Variants in APOBEC3C observed in about 807,000 individuals in gnomAD.
APOBEC3C encodes the protein DNA dC->dU-editing enzyme APOBEC-3C.
APOBEC3C carries 14 observed loss-of-function variants against 20.6 expected under a neutral mutation model. That is an observed-to-expected ratio of 0.68 (90% confidence interval 0.45 to 1.06). APOBEC3C has a LOEUF of 1.06. APOBEC3C is among the 50% of genes least tolerant of loss of function. The probability of loss-of-function intolerance (pLI) is 0.00; values close to 1 mark genes in which losing one functional copy is unlikely to be tolerated. For synonymous variants in APOBEC3C, 98 were observed against 88.8 expected (o/e 1.10, Z -0.58); for missense variants, 244 against 241.9 (o/e 1.01, Z -0.06).
At chr22:39,016,248 G>A (rs1356776144) in intron 2 of APOBEC3C, among the ~76,000 whole-genome samples, 1 of 144,908 alleles carries the variant, frequency 6.9e-6, no homozygotes, top group Non-Finnish European at 1.5e-5. Context: ...CGCCCAGGCT[G>A]GAGTGCAGTG....
At position 39,018,818 on chromosome 22, in the gene APOBEC3C, C is replaced by CAAAAAAAAAA. The variant is rs57039400; in HGVS notation, c.*449_*458dup. 4.2e-5 allele frequency: 2 copies of CAAAAAAAAAA among 47,480 alleles called. 1 individual carries two copies. The highest frequency in any genetic ancestry group is 7.3e-5 in the Non-Finnish European group (2 of 27,422). The allele number at this position is 47,480 out of a possible 1,614,324, so 2.9% of individuals were successfully genotyped here. A position where few individuals can be genotyped will look rare whatever the true frequency, so the allele number is the denominator to read the frequency against. On this transcript the variant is annotated 3_prime_UTR_variant, in exon 4 of 4. Coordinates refer to ENST00000361441, the MANE Select transcript of APOBEC3C (RefSeq NM_014508.3). ...GTCACATGACAAAGCCCCATCTCTA[C>CAAAAAAAAAA]AAAAAAAAAAAAAAAAAAAAAAAAA...
chr22:39,015,632 T>G lies in APOBEC3C; in HGVS notation c.55T>G (p.Phe19Val), dbSNP rs1221431519. ...GGCAATGTATCCAGGCACATTCTAC[T>G]TCCAATTTAAAAACCTATGGGAAGC... is the stretch of plus-strand genomic sequence containing the variant. Reference protein sequence around the residue: ...MKAMYPGTFYFQFKNLWEAND... With the variant: ...MKAMYPGTFYVQFKNLWEAND... Residue 19 changes from phenylalanine (F) to valine (V), a missense_variant, in exon 2 of 4, where the codon TTC (phenylalanine) becomes GTC (valine). Phe to Val is a conservative substitution (Grantham distance 50). Coordinates refer to ENST00000361441, the MANE Select transcript of APOBEC3C (RefSeq NM_014508.3). 3.7e-6 allele frequency: 6 copies of G among 1,614,114 alleles called. No individual in the cohort carries two copies. The highest frequency in any genetic ancestry group is 3.4e-6 in the Non-Finnish European group (4 of 1,180,012).
At position 39,014,340 on chromosome 22, in the gene APOBEC3C, C is replaced by A; in HGVS notation, c.-23C>A. ...GCTTCAGAAAAGAGTGGGACAGGGA[C>A]AAGCATATCTAAGAGGCTGAACATG... On this transcript the variant is annotated 5_prime_UTR_variant, in exon 1 of 4. Coordinates refer to ENST00000361441, the MANE Select transcript of APOBEC3C (RefSeq NM_014508.3). 6.2e-7 allele frequency: 1 copy of A among 1,614,116 alleles called. No homozygotes were observed. The highest frequency in any genetic ancestry group is 8.5e-7 in the Non-Finnish European group (1 of 1,179,984).
intron 3 of APOBEC3C, 66 bp downstream of exon 3, chr22:39,018,111 A>G: frequency 6.3e-7 from 1 of 1,591,988 alleles, no homozygotes; most frequent in African/African-American, 1.3e-5. Context: ...ATGGTTCTCC[A>G]ATGCTGTGGG....
chr22:39,018,381 C>T lies in APOBEC3C; in HGVS notation c.567C>T (p.Leu189=). ...RLLKRRLRES[L]Q is the part of the protein sequence containing the mutation. ...TGAAAAGAAGGCTACGGGAGAGTCT[C>T]CAGTGAGGGGTCTCCCTGGGCCTCA... Residue 189 remains leucine (L), a synonymous_variant, in exon 4 of 4, where the codon CTC becomes CTT. Transcript: ENST00000361441. 6.2e-7 allele frequency: 1 copy of T among 1,613,634 alleles called. No homozygotes were observed. Among genetic ancestry groups the T allele is most frequent in the East Asian group, 2.2e-5 (1 of 44,864 alleles).
Position 39,015,651 on chromosome 22 carries a change from G to A in APOBEC3C, c.74G>A (p.Trp25Ter). 6.2e-7 allele frequency: 1 copy of A among 1,614,130 alleles called. No individual in the cohort carries two copies. The highest frequency in any genetic ancestry group is 1.1e-5 in the South Asian group (1 of 91,086). ...TTCTACTTCCAATTTAAAAACCTATGGGAAGCCAACGATCGGAACGAAACT... is the reference window on the plus strand; with the variant it reads ...TTCTACTTCCAATTTAAAAACCTATAGGAAGCCAACGATCGGAACGAAACT... ...GTFYFQFKNL[W>*]EANDRNETWL... Residue 25 changes from tryptophan (W) to a stop codon, truncating the protein, a stop_gained, in exon 2 of 4, where the codon TGG becomes TAG. Transcript: ENST00000361441. LOFTEE classifies it high-confidence loss of function.
rs772415284 is a variant in APOBEC3C, at chr22:39,017,823, G to A, written c.232G>A (p.Asp78Asn). 1.1e-4 allele frequency: 175 copies of A among 1,613,880 alleles called. No homozygotes were observed. The highest frequency in any genetic ancestry group is 1.4e-4 in the Non-Finnish European group (165 of 1,179,936). Reference protein sequence around the residue: ...ERCFLSWFCDDILSPNTKYQV... With the variant: ...ERCFLSWFCDNILSPNTKYQV... ...GTGCTTCCTCTCTTGGTTCTGCGAC[G>A]ACATACTGTCTCCTAACACAAAGTA... is the stretch of plus-strand genomic sequence containing the variant. The change falls in exon 3 of 4, where the codon GAC (aspartate) becomes AAC (asparagine). Residue 78 changes from aspartate (D) to asparagine (N), a missense_variant. Coordinates refer to ENST00000361441, the MANE Select transcript of APOBEC3C (RefSeq NM_014508.3).
Position 39,014,308 on chromosome 22 carries a change from C to T in APOBEC3C, c.-55C>T. The T allele has an allele frequency of 6.2e-7, 1 of 1,612,046 alleles. No homozygotes were observed. The highest frequency in any genetic ancestry group is 2.2e-5 in the East Asian group (1 of 44,834). On this transcript the variant is annotated 5_prime_UTR_variant, in exon 1 of 4. Transcript: ENST00000361441. ...AGGACGCTGTAAGCAGGAAGAGAAG[C>T]CACAGCGCTTCAGAAAAGAGTGGGA...
intron 2 of APOBEC3C, among the ~76,000 whole-genome samples, chr22:39,016,393 T>TC (rs1201674715): frequency 2.0e-4 from 30 of 148,242 alleles, no homozygotes; most frequent in Non-Finnish European, 3.0e-5. Context: ...TTTTTTTTTT[T>TC]TTTTTAGTAG....
At chr22:39,015,124 C>T (rs998190036) in intron 1 of APOBEC3C, among the ~76,000 whole-genome samples, 1 of 151,928 alleles carries the variant, frequency 6.6e-6, no homozygotes, top group African/African-American at 2.4e-5. Flanking sequence ...ATGGTGAAAC[C>T]TCGTCTCTAC....
intron 1 of APOBEC3C, 35 bp downstream of exon 1, chr22:39,014,414 T>G (rs756383283): frequency 6.2e-7 from 1 of 1,613,692 alleles, no homozygotes; most frequent in Non-Finnish European, 8.5e-7. Context: ...AGGCCCCTCC[T>G]GCCACTTCCT....
At chr22:39,014,507 G>T (rs1040942920) in intron 1 of APOBEC3C, 128 bp downstream of exon 1, 1 of 939,106 alleles carries the variant, frequency 1.1e-6, no homozygotes. Context: ...TGGTTCCCCC[G>T]CTGCCCCCAC....
At chr22:39,014,803 A>G (rs1234783373) in intron 1 of APOBEC3C, among the ~76,000 whole-genome samples, 1 of 152,170 alleles carries the variant, frequency 6.6e-6, no homozygotes, top group Non-Finnish European at 1.5e-5. Flanking sequence ...GTTTCAATAC[A>G]AAGTCTTAGG....
chr22:39,018,353 T>C lies in APOBEC3C; in HGVS notation c.539T>C (p.Leu180Pro). 2 of 1,614,080 alleles carry C rather than the reference T, an allele frequency of 1.2e-6. No homozygotes were observed. Among genetic ancestry groups the C allele is most frequent in the South Asian group, 2.2e-5 (2 of 91,082 alleles). ...AAGGGATTAAAAACCAACTTTCGAC[T>C]TCTGAAAAGAAGGCTACGGGAGAGT... ...PWKGLKTNFR[L>P]LKRRLRESLQ Residue 180 changes from leucine to proline, a missense_variant, in exon 4 of 4, where the codon CTT becomes CCT. Coordinates refer to ENST00000361441, the MANE Select transcript of APOBEC3C (RefSeq NM_014508.3).
chr22:39,018,055 G>A lies in APOBEC3C; in HGVS notation c.454+10G>A. ...ATCATGGACTATGAAGGTGAGACGT[G>A]GGGGGCTGAGGAGAGTGGGTGCAGG... On this transcript the variant is annotated intron_variant, in intron 3 of 3. Transcript: ENST00000361441. 2.5e-6 allele frequency: 4 copies of A among 1,613,106 alleles called. No individual in the cohort carries two copies. Among genetic ancestry groups the A allele is most frequent in the Middle Eastern group, 1.7e-4 (1 of 6,058 alleles).
chr22:39,014,373 A>G lies in APOBEC3C; in HGVS notation c.11A>G (p.Gln4Arg), dbSNP rs1412105706. ...TCTAAGAGGCTGAACATGAATCCAC[A>G]GATCAGGTACCTCTGCACGCTTTGT... MNP[Q>R]IRNPMKAMYP... Residue 4 changes from glutamine (Q) to arginine (R), a missense_variant, in exon 1 of 4, where the codon CAG (glutamine) becomes CGG (arginine). Transcript: ENST00000361441. The G allele has an allele frequency of 1.2e-6, 2 of 1,614,230 alleles. No individual in the cohort carries two copies. The highest frequency in any genetic ancestry group is 1.7e-6 in the Non-Finnish European group (2 of 1,180,022).
In APOBEC3C at chr22:39,018,612, A is replaced by C; in HGVS notation, c.*225A>C. ...CCTCCATGGCTATCCATCCACCCCC[A>C]CAGACCCCGTTCCTCCAGCCTGCGT... is the stretch of plus-strand genomic sequence containing the variant. On this transcript the variant is annotated 3_prime_UTR_variant, in exon 4 of 4. Transcript: ENST00000361441. The C allele has an allele frequency of 6.8e-6, 3 of 439,898 alleles. No homozygotes were observed. Among genetic ancestry groups the C allele is most frequent in the Non-Finnish European group, 1.2e-5 (3 of 249,288 alleles). 27.2% of individuals were successfully genotyped at this position (439,898 alleles called of 1,614,324 possible). A position where few individuals can be genotyped will look rare whatever the true frequency, so the allele number is the denominator to read the frequency against.
rs368230674 is a variant in APOBEC3C, at chr22:39,015,723, C to T, written c.146C>T (p.Ser49Phe). Residue 49 changes from serine to phenylalanine, a missense_variant, in exon 2 of 4, where the codon TCC (serine) becomes TTC (phenylalanine). Coordinates refer to ENST00000361441, the MANE Select transcript of APOBEC3C (RefSeq NM_014508.3). ...GGTATAAAGCGCCGCTCAGTTGTCT[C>T]CTGGAAGACGGGCGTCTTCCGAAAC... ...VEGIKRRSVV[S>F]WKTGVFRNQV... The T allele has an allele frequency of 1.2e-6, 2 of 1,613,864 alleles. No individual in the cohort carries two copies. Among genetic ancestry groups the T allele is most frequent in the African/African-American group, 1.3e-5 (1 of 74,866 alleles).
rs776061170 is a variant in APOBEC3C, at chr22:39,014,398, T to C, written c.17+19T>C. On this transcript the variant is annotated intron_variant, in intron 1 of 3. Coordinates refer to ENST00000361441, the MANE Select transcript of APOBEC3C (RefSeq NM_014508.3). ...AGATCAGGTACCTCTGCACGCTTTGTCCGCCAGGCCCCTCCTGCCACTTCC... is the reference window on the plus strand; with the variant it reads ...AGATCAGGTACCTCTGCACGCTTTGCCCGCCAGGCCCCTCCTGCCACTTCC... The C allele has an allele frequency of 2.5e-6, 4 of 1,613,888 alleles. No individual in the cohort carries two copies. The highest frequency in any genetic ancestry group is 3.4e-6 in the Non-Finnish European group (4 of 1,179,980).
Sources: allele counts gnomAD v4.1 joint callset (sites outside exome capture counted in the v4.1 genomes callset), GRCh38; gene constraint gnomAD v4.1.1; transcripts MANE v1.5; gene names NCBI Gene and HGNC (gene_info 2026-07-23, HGNC 2026-07-21).